Variants in HNRNPUL2 observed in about 807,000 individuals in gnomAD.
The protein encoded by HNRNPUL2 is heterogeneous nuclear ribonucleoprotein U like 2.
Under a neutral mutation model 102.2 loss-of-function variants are expected in HNRNPUL2, and 27 were observed. The ratio of observed to expected loss-of-function variants is 0.26; its 90% CI spans 0.19 to 0.36. The LOEUF is 0.36. Among genes scored for constraint, HNRNPUL2 ranks in the 10% least tolerant of loss-of-function variants. The probability of loss-of-function intolerance (pLI) is 1.00; values close to 1 mark genes in which losing one functional copy is unlikely to be tolerated. For missense variants in HNRNPUL2, 936 were observed against 981.1 expected (o/e 0.95, Z 0.61); for synonymous variants, 458 against 387.2 (o/e 1.18, Z -2.15).
At position 62,715,906 on chromosome 11, in the gene HNRNPUL2, C is replaced by T; in HGVS notation, c.2013G>A (p.Arg671=). Residue 671 remains arginine, a synonymous_variant, in exon 12 of 14, where the codon CGG becomes CGA. Coordinates refer to ENST00000301785, the MANE Select transcript of HNRNPUL2 (RefSeq NM_001079559.3). ...GCCCCCAGTACTGCTGCCCGTAGGC[C>T]CGGTTGTCGTAGCCTCGGCGCTGCC... The part of the protein sequence containing the change: ...VGGQRRGYDN[R]AYGQQYWGQP... The T allele has an allele frequency of 6.2e-7, 1 of 1,612,012 alleles. No homozygotes were observed. Among genetic ancestry groups the T allele is most frequent in the East Asian group, 2.2e-5 (1 of 44,852 alleles).
intron 10 of HNRNPUL2, among the ~76,000 whole-genome samples, chr11:62,718,534 C>G (rs2083676981): frequency 6.6e-6 from 1 of 151,870 alleles, no homozygotes; most frequent in South Asian, 2.1e-4. Flanking sequence ...AACCCTGTCT[C>G]TACTAAAAGT....
chr11:62,715,429 G>A, intron 13 of HNRNPUL2, 50 bp from the exon 14 acceptor site: 5 of 1,591,332 alleles, frequency 3.1e-6, no homozygotes, highest in East Asian at 2.2e-5. Flanking sequence ...GGCTGAGGAT[G>A]AAGAGGCATA....
Position 62,726,887 on chromosome 11 carries a change from A to C in HNRNPUL2, c.270T>G (p.Leu90=), listed in dbSNP as rs538627133. 1.9e-6 allele frequency: 3 copies of C among 1,572,658 alleles called. No homozygotes were observed. Among genetic ancestry groups the C allele is most frequent in the African/African-American group, 1.4e-5 (1 of 71,972 alleles). Residue 90 remains leucine, a synonymous_variant, in exon 1 of 14, where the codon CTT becomes CTG. Coordinates refer to ENST00000301785, the MANE Select transcript of HNRNPUL2 (RefSeq NM_001079559.3). ...GGGGTGGCTCCTCGTCCTCGTCCTC[A>C]AGCAGCGCCTCCTCGTCCTCCTCCT... The part of the protein sequence containing the change: ...EEEEEDEEAL[L]EDEDEEPPPA...
In HNRNPUL2 at chr11:62,720,211, C is replaced by T. The variant is rs58299674; in HGVS notation, c.1612-20G>A. 88 of 1,609,678 alleles carry T rather than the reference C, an allele frequency of 5.5e-5. No individual in the cohort carries two copies. The African/African-American group carries it at 1.1e-3, about 19-fold the overall frequency. On this transcript the variant is annotated intron_variant, in intron 9 of 13. Transcript: ENST00000301785. ...ATTACACTAAGAACAGGAGGAATAA[C>T]TGATGTTTAGGAAGAAAATTATCAC...
At chr11:62,722,558 T>C in intron 6 of HNRNPUL2, 43 bp downstream of exon 6, 1 of 1,521,158 alleles carries the variant, frequency 6.6e-7, no homozygotes, top group South Asian at 1.1e-5. Context: ...CAGTGCCCTC[T>C]ATCCGCTCCT....
In HNRNPUL2 at chr11:62,715,553, G is replaced by A. The variant is rs369405010; in HGVS notation, c.2110C>T (p.Arg704Ter). ...YRGDYDRFYG[R>*]DYEYNRYRDY... Reference sequence around the variant, plus strand: ...CTGTATCTGTTGTACTCATAATCTCGCCCGTAAAATCGATCATAGTCTCCC... The same window carrying A: ...CTGTATCTGTTGTACTCATAATCTCACCCGTAAAATCGATCATAGTCTCCC... Residue 704 changes from arginine (R) to a stop codon, truncating the protein, a stop_gained, in exon 13 of 14, where the codon CGA becomes TGA. Transcript: ENST00000301785. LOFTEE classifies it high-confidence loss of function. 2 of 1,612,708 alleles carry A rather than the reference G, an allele frequency of 1.2e-6. No homozygotes were observed. The highest frequency in any genetic ancestry group is 1.7e-6 in the Non-Finnish European group (2 of 1,179,290).
intron 4 of HNRNPUL2, 21 bp from the exon 5 acceptor site, chr11:62,722,924 A>G: frequency 6.3e-7 from 1 of 1,596,936 alleles, no homozygotes; most frequent in Non-Finnish European, 8.6e-7. Context: ...CAGAAAGGGA[A>G]CTATTAGATA....
chr11:62,723,405 C>T (rs547318008), intron 4 of HNRNPUL2, among the ~76,000 whole-genome samples, 182 bp downstream of exon 4: 27 of 152,254 alleles, frequency 1.8e-4, no homozygotes, highest in African/African-American at 5.3e-4. Context: ...GCAGGAGAAT[C>T]GCTTCAACCC....
intron 4 of HNRNPUL2, among the ~76,000 whole-genome samples, chr11:62,723,143 T>C (rs2083716864): frequency 6.6e-6 from 1 of 152,188 alleles, no homozygotes; most frequent in Non-Finnish European, 1.5e-5. Context: ...TGGACAGAAG[T>C]CCAGTATACA....
In HNRNPUL2 at chr11:62,726,664, T is replaced by A. The variant is rs746660618; in HGVS notation, c.493A>T (p.Thr165Ser). 6 of 1,598,996 alleles carry A rather than the reference T, an allele frequency of 3.8e-6. No homozygotes were observed. Among genetic ancestry groups the A allele is most frequent in the Non-Finnish European group, 4.2e-6 (5 of 1,178,902 alleles). Residue 165 changes from threonine to serine, a missense_variant, in exon 1 of 14, where the codon ACG (threonine) becomes TCG (serine). This residue lies in a region of HNRNPUL2 where 327 missense variants were observed against 268.1 expected (regional missense o/e 1.22). Transcript: ENST00000301785. ...DEPEERSGDE[T>S]PGSEVPGDKA... Reference sequence around the variant, plus strand: ...TCACCCGGCACCTCGGATCCCGGCGTCTCGTCCCCGCTCCGCTCCTCGGGT... The same window carrying A: ...TCACCCGGCACCTCGGATCCCGGCGACTCGTCCCCGCTCCGCTCCTCGGGT...
Position 62,727,271 on chromosome 11 carries a change from AGCCC to A in HNRNPUL2, c.-119_-116del, listed in dbSNP as rs1258165852. On this transcript the variant is annotated 5_prime_UTR_variant, in exon 1 of 14. Transcript: ENST00000301785. The stretch of plus-strand genomic sequence containing the variant: ...GCCTCCGCCTCACGCGCCAGCACTG[AGCCC>A]GCGCGAGCGAGCGCACGCACGCAGG... 1 of 1,178,674 alleles carries A rather than the reference AGCCC, an allele frequency of 8.5e-7. No homozygotes were observed. The highest frequency in any genetic ancestry group is 1.6e-5 in the African/African-American group (1 of 62,142). 73.0% of individuals were successfully genotyped at this position (1,178,674 alleles called of 1,614,324 possible).
intron 1 of HNRNPUL2, 37 bp from the exon 2 acceptor site, chr11:62,724,463 T>C: frequency 3.1e-6 from 5 of 1,613,160 alleles, no homozygotes; most frequent in Non-Finnish European, 4.2e-6. Context: ...GCAGTTTTCA[T>C]ACTGGAGTGT....
rs753979689 is a variant in HNRNPUL2 at position 62,715,296 on chromosome 11, G to C, written c.*3C>G. 16 of 1,610,304 alleles carry C rather than the reference G, an allele frequency of 9.9e-6. No individual in the cohort carries two copies. The highest frequency in any genetic ancestry group is 3.6e-4 in the Middle Eastern group (2 of 5,518). ...TGGCTGACAGGTGACCATGGCAGGG[G>C]CTTCACCGATACCCTTGGTACCCGT... On this transcript the variant is annotated 3_prime_UTR_variant, in exon 14 of 14. Coordinates refer to ENST00000301785, the MANE Select transcript of HNRNPUL2 (RefSeq NM_001079559.3).
In HNRNPUL2 at chr11:62,722,200, C is replaced by T. The variant is rs1023843239; in HGVS notation, c.1276G>A (p.Glu426Lys). The change falls in exon 7 of 14, where the codon GAA becomes AAA. Residue 426 changes from glutamate (E) to lysine (K), a missense_variant. Transcript: ENST00000301785. Reference protein sequence around the residue: ...QKEEPFFPPPEEFVFIHAVPV... With the variant: ...QKEEPFFPPPKEFVFIHAVPV... ...ACAGCATGAATGAACACAAACTCTT[C>T]TGGTGGTGGGAAGAAGGGCTCCTCC... 1 of 1,614,068 alleles carries T rather than the reference C, an allele frequency of 6.2e-7. No homozygotes were observed. Among genetic ancestry groups the T allele is most frequent in the Non-Finnish European group, 8.5e-7 (1 of 1,180,056 alleles).
chr11:62,717,930 C>T (rs1312535201), intron 10 of HNRNPUL2, among the ~76,000 whole-genome samples: 2 of 152,210 alleles, frequency 1.3e-5, no homozygotes, highest in Non-Finnish European at 2.9e-5. Context: ...TGGACGTCAA[C>T]TTCAGAAGCT....
In HNRNPUL2 at chr11:62,713,162, A is replaced by C. The variant is rs979009710; in HGVS notation, c.*2137T>G. ...GTACCTCCCCTAACCCCTGCTGGAA[A>C]AAAACTCAACTTGATTTAGTTTAGT... On this transcript the variant is annotated 3_prime_UTR_variant, in exon 14 of 14. Coordinates refer to ENST00000301785, the MANE Select transcript of HNRNPUL2 (RefSeq NM_001079559.3). 6.6e-6 allele frequency: 1 copy of C among 152,202 alleles called. No homozygotes were observed. Among genetic ancestry groups the C allele is most frequent in the African/African-American group, 2.4e-5 (1 of 41,448 alleles). 9.4% of individuals were successfully genotyped at this position (152,202 alleles called of 1,614,324 possible). A position where few individuals can be genotyped will look rare whatever the true frequency, so the allele number is the denominator to read the frequency against.
intron 12 of HNRNPUL2, 81 bp from the exon 13 acceptor site, chr11:62,715,688 C>A (rs2083655150): frequency 8.7e-7 from 1 of 1,144,736 alleles, no homozygotes; most frequent in Non-Finnish European, 1.3e-6. Context: ...TTAAATGCGA[C>A]ACATCTTAGC....
intron 1 of HNRNPUL2, among the ~76,000 whole-genome samples, chr11:62,725,120 A>G (rs1244467786): frequency 1.3e-5 from 2 of 152,194 alleles, no homozygotes; most frequent in African/African-American, 4.8e-5. Flanking sequence ...AAAAACTTGG[A>G]GTTTTTCCCT....
In HNRNPUL2 at chr11:62,713,202, G is replaced by A. The variant is rs1219319634; in HGVS notation, c.*2097C>T. The A allele has an allele frequency of 6.6e-6, 1 of 152,138 alleles. No homozygotes were observed. Among genetic ancestry groups the A allele is most frequent in the Non-Finnish European group, 1.5e-5 (1 of 68,020 alleles). 9.4% of individuals were successfully genotyped at this position (152,138 alleles called of 1,614,324 possible). The stretch of plus-strand genomic sequence containing the variant: ...TTTAGTTTAGTCCCCTTGCCCCTAA[G>A]GGCCCTAGCATCCCCATCCATGTCA... On this transcript the variant is annotated 3_prime_UTR_variant, in exon 14 of 14. Coordinates refer to ENST00000301785, the MANE Select transcript of HNRNPUL2 (RefSeq NM_001079559.3).
Sources: allele counts gnomAD v4.1 joint callset (sites outside exome capture counted in the v4.1 genomes callset), GRCh38; gene constraint gnomAD v4.1.1; regional missense constraint gnomAD v4.1.1; transcripts MANE v1.5; gene names NCBI Gene and HGNC (gene_info 2026-07-23, HGNC 2026-07-21).